The following DLG2 variants were observed in gnomAD, a reference collection of about 807,000 sequenced individuals.
DLG2 encodes the protein disks large homolog 2.
DLG2 carries 45 observed loss-of-function variants against 132.5 expected under a neutral mutation model. The observed-to-expected ratio is 0.34, with a 90% CI of 0.27 to 0.44. The LOEUF is 0.44. Ranked by LOEUF, DLG2 falls within the 20% of genes least tolerant of loss-of-function variation. DLG2 has a pLI of 1.00. For synonymous variants in DLG2, 424 were observed against 419.6 expected (o/e 1.01, Z -0.13); for missense variants, 1,045 against 1,196.9 (o/e 0.87, Z 1.87).
rs968908820 is a variant in DLG2, at chr11:83,517,099, GATA to G, written c.2193+15606_2193+15608del. 1.8e-3 allele frequency among the ~76,000 whole-genome samples: 278 copies of G among 152,280 alleles called. 1 individual carries two copies. Among genetic ancestry groups the G allele is most frequent in the African/African-American group, 6.2e-3 (259 of 41,540 alleles). On this transcript the variant is annotated intron_variant, in intron 21 of 27. Transcript: ENST00000376104. ...TTGCTAGATTGGGGAAGTTCTCCTGGATAATATCCTGCAGAGTGTTTTTCAACT... is the reference window on the plus strand; with the variant it reads ...TTGCTAGATTGGGGAAGTTCTCCTGGATATCCTGCAGAGTGTTTTTCAACT...
chr11:84,531,257 A>G (rs1055426605), intron 7 of DLG2, among the ~76,000 whole-genome samples: 2 of 152,236 alleles, frequency 1.3e-5, no homozygotes, highest in Non-Finnish European at 2.9e-5. Flanking sequence ...TCTCACTTAC[A>G]GGTGGGACCT....
intron 6 of DLG2, among the ~76,000 whole-genome samples, chr11:85,078,709 A>C (rs2066866576): frequency 6.6e-6 from 1 of 152,054 alleles, no homozygotes; most frequent in South Asian, 2.1e-4. Flanking sequence ...TTGAAACCAA[A>C]TAAAGAAATT....
At chr11:84,354,784 G>T (rs997243307) in intron 7 of DLG2, among the ~76,000 whole-genome samples, 1 of 152,038 alleles carries the variant, frequency 6.6e-6, no homozygotes. Context: ...AGTCAAATGC[G>T]GTTTGACTAG....
intron 21 of DLG2, among the ~76,000 whole-genome samples, chr11:83,504,098 G>A (rs1014519246): frequency 6.6e-6 from 1 of 152,160 alleles, no homozygotes; most frequent in Non-Finnish European, 1.5e-5. Context: ...TATTTTCTTA[G>A]TACAGGTTAC....
intron 7 of DLG2, among the ~76,000 whole-genome samples, chr11:84,340,235 A>C (rs2098508195): frequency 6.6e-6 from 1 of 152,194 alleles, no homozygotes; most frequent in Non-Finnish European, 1.5e-5. Flanking sequence ...AAACCCCACC[A>C]GTTGCCTTAA....
At chr11:84,642,607 TTAAG>T (rs1258376887) in intron 6 of DLG2, among the ~76,000 whole-genome samples, 3 of 152,062 alleles carry the variant, frequency 2.0e-5, no homozygotes, top group African/African-American at 4.8e-5. Context: ...GAGATAGGAA[TTAAG>T]TAAGATAGAA....
intron 6 of DLG2, among the ~76,000 whole-genome samples, chr11:84,626,884 A>ATTTTATTTTATTT (rs1264220414): frequency 6.6e-6 from 1 of 150,658 alleles, no homozygotes; most frequent in African/African-American, 2.4e-5. Context: ...ATTTTATTTT[A>ATTTTATTTTATTT]TTTTTGAGAT....
chr11:85,303,561 G>T (rs949826882), intron 3 of DLG2, among the ~76,000 whole-genome samples: 1 of 152,150 alleles, frequency 6.6e-6, no homozygotes, highest in African/African-American at 2.4e-5. Flanking sequence ...ATGCAGCATA[G>T]CTATGTGTTG....
At chr11:84,905,734 T>C (rs1353228242) in intron 6 of DLG2, among the ~76,000 whole-genome samples, 2 of 152,212 alleles carry the variant, frequency 1.3e-5, no homozygotes, top group African/African-American at 4.8e-5. Flanking sequence ...TTATAGTCTA[T>C]TCCTGAACAC....
intron 3 of DLG2, among the ~76,000 whole-genome samples, chr11:85,529,260 C>G: frequency 6.6e-6 from 1 of 152,140 alleles, no homozygotes; most frequent in Non-Finnish European, 1.5e-5. Flanking sequence ...ACCATCACCA[C>G]CTGTTCCCCG....
At chr11:85,331,373 A>G (rs1346086992) in intron 3 of DLG2, among the ~76,000 whole-genome samples, 1 of 152,188 alleles carries the variant, frequency 6.6e-6, no homozygotes, top group Admixed American at 6.5e-5. Context: ...GCGGTAATAA[A>G]ATCATTTAAC....
At chr11:85,285,432 A>T in intron 3 of DLG2, 67 bp from the exon 4 acceptor site, 1 of 1,455,802 alleles carries the variant, frequency 6.9e-7, no homozygotes, top group Non-Finnish European at 9.4e-7. Flanking sequence ...TTCTGCATAT[A>T]TGTCCATATA....
intron 6 of DLG2, among the ~76,000 whole-genome samples, chr11:84,587,310 G>T (rs1285803790): frequency 6.6e-6 from 1 of 152,100 alleles, no homozygotes; most frequent in African/African-American, 2.4e-5. Flanking sequence ...CTCCCTCATA[G>T]GTATTTTGTG....
At chr11:84,934,546 T>TTTTTTTTTTTTTTTTTTG (rs1183459468) in intron 6 of DLG2, among the ~76,000 whole-genome samples, 2 of 128,666 alleles carry the variant, frequency 1.6e-5, no homozygotes, top group African/African-American at 3.0e-5. Flanking sequence ...TTTTTTTTTT[T>TTTTTTTTTTTTTTTTTTG]GGTGGGTAGG....
At chr11:84,579,992 T>C (rs749628317) in intron 6 of DLG2, among the ~76,000 whole-genome samples, 26 of 152,118 alleles carry the variant, frequency 1.7e-4, no homozygotes, top group Non-Finnish European at 3.8e-4. Context: ...AAAGTGAGTA[T>C]AAGGGAAGGA....
intron 18 of DLG2, among the ~76,000 whole-genome samples, chr11:83,781,631 G>C (rs2094833459): frequency 6.6e-6 from 1 of 152,098 alleles, no homozygotes; most frequent in South Asian, 2.1e-4. Context: ...CTACCTGCAG[G>C]CCATTCTGAA....
chr11:83,632,855 C>A, intron 19 of DLG2: 1 of 216,008 alleles, frequency 4.6e-6, no homozygotes, highest in Non-Finnish European at 9.3e-6. Context: ...GGAATATTTT[C>A]TTTTCACACT....
chr11:84,947,822 T>A (rs963292926), intron 6 of DLG2, among the ~76,000 whole-genome samples: 7 of 152,236 alleles, frequency 4.6e-5, no homozygotes, highest in Admixed American at 4.6e-4. Context: ...AGTATGCTCT[T>A]TTACTCTCAT....
intron 2 of DLG2, among the ~76,000 whole-genome samples, chr11:85,602,128 A>G (rs911834641): frequency 4.6e-5 from 7 of 152,114 alleles, no homozygotes; most frequent in African/African-American, 1.7e-4. Context: ...TTCTCCTCCA[A>G]TGTATCTCCA....
Sources: allele counts gnomAD v4.1 joint callset (sites outside exome capture counted in the v4.1 genomes callset), GRCh38; gene constraint gnomAD v4.1.1; transcripts MANE v1.5; gene names NCBI Gene and HGNC (gene_info 2026-07-23, HGNC 2026-07-21).